LRFN3: variants seen among roughly 807,000 people sequenced by gnomAD.
The protein encoded by LRFN3 is leucine rich repeat and fibronectin type III domain containing 3, also known as leucine-rich repeat and fibronectin type-III domain-containing protein 3.
LRFN3 carries 8 observed loss-of-function variants against 23.8 expected under a neutral mutation model. The observed-to-expected ratio is 0.34, with a 90% CI of 0.20 to 0.61. The LOEUF (loss-of-function observed/expected upper bound fraction) is 0.61. LRFN3 is among the 20% of genes least tolerant of loss of function. The pLI, the probability that LRFN3 is intolerant of heterozygous loss-of-function variation, is 0.80. For synonymous variants in LRFN3, 451 were observed against 450.6 expected (o/e 1.00, Z -0.01); for missense variants, 736 against 935.3 (o/e 0.79, Z 2.78).
At position 35,940,825 on chromosome 19, in the gene LRFN3, A is replaced by T. The variant is rs1291391581; in HGVS notation, c.1400A>T (p.Asp467Val). The T allele has an allele frequency of 4.4e-6, 7 of 1,574,068 alleles. No homozygotes were observed. The highest frequency in any genetic ancestry group is 8.7e-7 in the Non-Finnish European group (1 of 1,154,408). The change falls in exon 2 of 3, where the codon GAC becomes GTC. Residue 467 changes from aspartate (D) to valine (V), a missense_variant. Physicochemically the swap from Asp to Val is radical, Grantham distance 152. Around this residue, in one of 2 missense-constraint regions of LRFN3, gnomAD observed 290 missense variants for 287.4 expected, o/e 1.01. Coordinates refer to ENST00000246529, the MANE Select transcript of LRFN3 (RefSeq NM_024509.2). ...YQIQYNSSADDILVYRMIPAE... is the reference protein window; with the variant it reads ...YQIQYNSSADVILVYRMIPAE... ...ATCCAGTACAACAGCTCGGCTGATG[A>T]CATCCTCGTCTACAGGTGCAGGGTC... is the stretch of plus-strand genomic sequence containing the variant.
chr19:35,938,092 C>T (rs181700825), intron 1 of LRFN3, among the ~76,000 whole-genome samples: 11 of 152,208 alleles, frequency 7.2e-5, no homozygotes, highest in Admixed American at 4.6e-4. Flanking sequence ...GGTCTGTGAC[C>T]GTCCCCATCC....
chr19:35,939,769 A>G lies in LRFN3; in HGVS notation c.344A>G (p.Asp115Gly). The change falls in exon 2 of 3, where the codon GAT (aspartate) becomes GGT (glycine). Residue 115 changes from aspartate (D) to glycine (G), a missense_variant. Physicochemically the swap from Asp to Gly is moderately conservative, Grantham distance 94. Coordinates refer to ENST00000246529, the MANE Select transcript of LRFN3 (RefSeq NM_024509.2). This position sits in a 1 kb window ranked among gnomAD's most constrained non-coding sequence, Gnocchi z 6.4. ...DLRALRALHL[D>G]GNRLTSLGEG... ...CGGGCCCTGCGTGCCCTGCACCTGG[A>G]TGGCAACCGGCTGACCTCACTGGGC... 6.2e-7 allele frequency: 1 copy of G among 1,604,722 alleles called. No individual in the cohort carries two copies. Among genetic ancestry groups the G allele is most frequent in the Non-Finnish European group, 8.5e-7 (1 of 1,179,546 alleles).
rs1475598576 is a variant in LRFN3 at position 35,945,292 on chromosome 19, C to G, written c.*273C>G. 3 of 360,832 alleles carry G rather than the reference C, an allele frequency of 8.3e-6. No individual in the cohort carries two copies. Among genetic ancestry groups the G allele is most frequent in the South Asian group, 1.6e-4 (2 of 12,272 alleles). The allele number at this position is 360,832 out of a possible 1,614,324, so 22.4% of individuals were successfully genotyped here. ...TTTGGGGAGACACCCCCTCCCCGCC[C>G]AGTTCAGTCTGAGGACCCCGGAGGA... On this transcript the variant is annotated 3_prime_UTR_variant, in exon 3 of 3. Transcript: ENST00000246529.
Position 35,939,189 on chromosome 19 carries a change from C to T in LRFN3, c.-16-221C>T, listed in dbSNP as rs1275492835. 6.6e-6 allele frequency among the ~76,000 whole-genome samples: 1 copy of T among 152,186 alleles called. No homozygotes were observed. ...CTTTGTTGCCCAGGCTGGTCTTGAA[C>T]TCCTGGCCTCAAGCCATCCTCCTGC... On this transcript the variant is annotated intron_variant, in intron 1 of 2. Transcript: ENST00000246529. The surrounding 1 kb of genome is among the most constrained non-coding windows in gnomAD (Gnocchi z 6.4).
chr19:35,940,593 C>T lies in LRFN3; in HGVS notation c.1168C>T (p.Gln390Ter). Residue 390 changes from glutamine (Q) to a stop codon, truncating the protein, a stop_gained, in exon 2 of 3, where the codon CAG (glutamine) becomes TAG (stop). Transcript: ENST00000246529. LOFTEE classifies it high-confidence loss of function. Reference sequence around the variant, plus strand: ...GACTGTGGGTCCCCCACCACCTCCTCAGCTAGCCAACAGCACCAGCTGTGA... The same window carrying T: ...GACTGTGGGTCCCCCACCACCTCCTTAGCTAGCCAACAGCACCAGCTGTGA... ...ELTVGPPPPPQLANSTSCDPP... is the reference protein window; with the variant it reads ...ELTVGPPPPP 6.2e-7 allele frequency: 1 copy of T among 1,611,570 alleles called. No homozygotes were observed. The highest frequency in any genetic ancestry group is 8.5e-7 in the Non-Finnish European group (1 of 1,178,634).
Position 35,937,362 on chromosome 19 carries a change from A to G in LRFN3, c.-210A>G, listed in dbSNP as rs755056918. The G allele has an allele frequency of 6.6e-6, 1 of 152,332 alleles. No individual in the cohort carries two copies. The highest frequency in any genetic ancestry group is 1.5e-5 in the Non-Finnish European group (1 of 68,074). 9.4% of individuals were successfully genotyped at this position (152,332 alleles called of 1,614,324 possible). On this transcript the variant is annotated 5_prime_UTR_variant, in exon 1 of 3. Transcript: ENST00000246529. ...CGTAAAACTGGACCCTAGAGGCCCA[A>G]TATTTAGGGGTCTGGAACCCCGAGT... is the stretch of plus-strand genomic sequence containing the variant.
Position 35,939,026 on chromosome 19 carries a change from A to T in LRFN3, c.-16-384A>T, listed in dbSNP as rs1976086460. Among the ~76,000 whole-genome samples the T allele has an allele frequency of 6.6e-6, 1 of 152,018 alleles. No homozygotes were observed. The highest frequency in any genetic ancestry group is 2.1e-4 in the South Asian group (1 of 4,806). ...CAGGCTGGAGTGTGGTGGCGCAATC[A>T]TAGCTCACTGCAGCCTCAAATTCTT... On this transcript the variant is annotated intron_variant, in intron 1 of 2. Coordinates refer to ENST00000246529, the MANE Select transcript of LRFN3 (RefSeq NM_024509.2). The surrounding 1 kb of genome is among the most constrained non-coding windows in gnomAD (Gnocchi z 6.4).
At position 35,936,936 on chromosome 19, in the gene LRFN3, A is replaced by T. The variant is rs1217324638; in HGVS notation, c.-636A>T. On this transcript the variant is annotated 5_prime_UTR_variant, in exon 1 of 3. Coordinates refer to ENST00000246529, the MANE Select transcript of LRFN3 (RefSeq NM_024509.2). ...CCCACAATTTGGAACACAGACCCCA[A>T]TATTTGGAGCAGAACCCCAAGATTT... The T allele has an allele frequency of 6.6e-6, 1 of 152,240 alleles. No homozygotes were observed. Among genetic ancestry groups the T allele is most frequent in the African/African-American group, 2.4e-5 (1 of 41,448 alleles). The allele number at this position is 152,240 out of a possible 1,614,324, so 9.4% of individuals were successfully genotyped here.
At position 35,939,517 on chromosome 19, in the gene LRFN3, G is replaced by A. The variant is rs779133099; in HGVS notation, c.92G>A (p.Arg31His). Residue 31 changes from arginine (R) to histidine (H), a missense_variant, in exon 2 of 3, where the codon CGC (arginine) becomes CAC (histidine). By Grantham distance (29) the Arg-to-His change is conservative. Transcript: ENST00000246529. This position sits in a 1 kb window ranked among gnomAD's most constrained non-coding sequence, Gnocchi z 6.4. ...GCCACACCCAGCCCATGTCCCCGCC[G>A]CTGCCGCTGCCAGACACAGTCGCTG... Reference protein sequence around the residue: ...QSATPSPCPRRCRCQTQSLPL... With the variant: ...QSATPSPCPRHCRCQTQSLPL... 1.5e-5 allele frequency: 24 copies of A among 1,606,964 alleles called. No individual in the cohort carries two copies. The highest frequency in any genetic ancestry group is 2.7e-5 in the African/African-American group (2 of 74,882).
At position 35,936,409 on chromosome 19, in the gene LRFN3, G is replaced by A. The variant is rs1211439032; in HGVS notation, c.-1163G>A. Among the ~76,000 whole-genome samples, 1 of 151,374 alleles carries A rather than the reference G, an allele frequency of 6.6e-6. No individual in the cohort carries two copies. Among genetic ancestry groups the A allele is most frequent in the South Asian group, 2.1e-4 (1 of 4,826 alleles). Reference sequence around the variant, plus strand: ...GCGCGCGCTGCCCTGGGTTGCCGGCGAGGAGGCCGCGGGAGCGCCTGGACC... The same window carrying A: ...GCGCGCGCTGCCCTGGGTTGCCGGCAAGGAGGCCGCGGGAGCGCCTGGACC... On this transcript the variant is annotated 5_prime_UTR_variant, in exon 1 of 3. Coordinates refer to ENST00000246529, the MANE Select transcript of LRFN3 (RefSeq NM_024509.2).
In LRFN3 at chr19:35,944,782, G is replaced by A. The variant is rs759246987; in HGVS notation, c.1650G>A (p.Ser550=). The A allele has an allele frequency of 3.7e-6, 6 of 1,611,224 alleles. No individual in the cohort carries two copies. Among genetic ancestry groups the A allele is most frequent in the African/African-American group, 2.7e-5 (2 of 74,986 alleles). Reference sequence around the variant, plus strand: ...CGCTGGGCGGCGTCATCGTAGCCTCGGTACTGGTCTTCATCTTCGTGCTGC... The same window carrying A: ...CGCTGGGCGGCGTCATCGTAGCCTCAGTACTGGTCTTCATCTTCGTGCTGC... ...IIALGGVIVA[S]VLVFIFVLLM... The change falls in exon 3 of 3, where the codon TCG becomes TCA. Residue 550 remains serine, a synonymous_variant. Coordinates refer to ENST00000246529, the MANE Select transcript of LRFN3 (RefSeq NM_024509.2). The surrounding 1 kb of genome is among the most constrained non-coding windows in gnomAD (Gnocchi z 4.5).
intron 2 of LRFN3, among the ~76,000 whole-genome samples, chr19:35,942,654 G>T (rs1489871335): frequency 6.6e-6 from 1 of 152,162 alleles, no homozygotes; most frequent in Non-Finnish European, 1.5e-5. Flanking sequence ...TTCCATTTCA[G>T]TCCTGGCAAC....
In LRFN3 at chr19:35,937,404, T is replaced by A. The variant is rs1474326711; in HGVS notation, c.-168T>A. ...ACCCCGAGTATTAAGGTCTGGAGAC[T>A]CCGTTGCCACAGATTTGAGCCGAGT... On this transcript the variant is annotated 5_prime_UTR_variant, in exon 1 of 3. Transcript: ENST00000246529. 1 of 152,496 alleles carries A rather than the reference T, an allele frequency of 6.6e-6. No individual in the cohort carries two copies. The highest frequency in any genetic ancestry group is 1.5e-5 in the Non-Finnish European group (1 of 68,084). The allele number at this position is 152,496 out of a possible 1,614,324, so 9.4% of individuals were successfully genotyped here. A position where few individuals can be genotyped will look rare whatever the true frequency, so the allele number is the denominator to read the frequency against.
chr19:35,942,317 C>G (rs1014108158), intron 2 of LRFN3, among the ~76,000 whole-genome samples: 1 of 152,220 alleles, frequency 6.6e-6, no homozygotes, highest in African/African-American at 2.4e-5. Context: ...CTGGGGTTTA[C>G]ACACTCCAAG....
chr19:35,939,892 A>G lies in LRFN3; in HGVS notation c.467A>G (p.Glu156Gly), dbSNP rs1008869004. 2 of 1,601,966 alleles carry G rather than the reference A, an allele frequency of 1.2e-6. No homozygotes were observed. Among genetic ancestry groups the G allele is most frequent in the African/African-American group, 1.3e-5 (1 of 75,006 alleles). ...GCCGGCGCCCTGGATGATTGTGCCG[A>G]GACACTGGAGGACCTCGACCTCTCC... The part of the protein sequence containing the change: ...LAAGALDDCA[E>G]TLEDLDLSYN... The change falls in exon 2 of 3, where the codon GAG becomes GGG. Residue 156 changes from glutamate to glycine, a missense_variant. Physicochemically the swap from Glu to Gly is moderately conservative, Grantham distance 98 (BLOSUM62 -2). This residue lies in a region of LRFN3 where 446 missense variants were observed against 647.9 expected (regional missense o/e 0.69). Coordinates refer to ENST00000246529, the MANE Select transcript of LRFN3 (RefSeq NM_024509.2). This position sits in a 1 kb window ranked among gnomAD's most constrained non-coding sequence, Gnocchi z 6.4.
At chr19:35,937,723 T>A (rs958613243) in intron 1 of LRFN3, among the ~76,000 whole-genome samples, 168 bp downstream of exon 1, 1 of 152,214 alleles carries the variant, frequency 6.6e-6, no homozygotes, top group African/African-American at 2.4e-5. Flanking sequence ...CTCTGGACAC[T>A]GGCCATCCTT....
At position 35,944,370 on chromosome 19, in the gene LRFN3, G is replaced by A. The variant is rs1338582834; in HGVS notation, c.1416-178G>A. ...AGACTGGAGGGGTATCAGTCAGGTG[G>A]CTGAATGGGATGTCAGACCAAAGGG... On this transcript the variant is annotated intron_variant, in intron 2 of 2. Transcript: ENST00000246529. The surrounding 1 kb of genome is among the most constrained non-coding windows in gnomAD (Gnocchi z 4.5). Among the ~76,000 whole-genome samples the A allele has an allele frequency of 2.0e-5, 3 of 152,206 alleles. No individual in the cohort carries two copies. Among genetic ancestry groups the A allele is most frequent in the Non-Finnish European group, 4.4e-5 (3 of 68,032 alleles).
At position 35,944,941 on chromosome 19, in the gene LRFN3, C is replaced by T. The variant is rs1299986112; in HGVS notation, c.1809C>T (p.Pro603=). The T allele has an allele frequency of 2.7e-6, 4 of 1,498,900 alleles. No individual in the cohort carries two copies. The highest frequency in any genetic ancestry group is 1.8e-6 in the Non-Finnish European group (2 of 1,134,646). The allele number at this position is 1,498,900 out of a possible 1,614,324, so 92.9% of individuals were successfully genotyped here. A position where few individuals can be genotyped will look rare whatever the true frequency, so the allele number is the denominator to read the frequency against. ...TPTPAPPAPE[P]AALRAHTVVQ... ...CGCCCGCCCCGCCCGCCCCGGAGCC[C>T]GCGGCGCTCAGGGCCCACACCGTGG... The change falls in exon 3 of 3, where the codon CCC becomes CCT. Residue 603 remains proline (P), a synonymous_variant. Transcript: ENST00000246529. This position sits in a 1 kb window ranked among gnomAD's most constrained non-coding sequence, Gnocchi z 4.5.
intron 1 of LRFN3, among the ~76,000 whole-genome samples, chr19:35,937,819 C>T (rs563429396): frequency 1.8e-4 from 27 of 152,282 alleles, no homozygotes; most frequent in East Asian, 1.2e-3. Flanking sequence ...GCTGTCTATC[C>T]GGTCCGACCG....
Sources: allele counts gnomAD v4.1 joint callset (sites outside exome capture counted in the v4.1 genomes callset), GRCh38; gene constraint gnomAD v4.1.1; regional missense constraint gnomAD v4.1.1; non-coding constraint Gnocchi (gnomAD v3.1); transcripts MANE v1.5; gene names NCBI Gene and HGNC (gene_info 2026-07-23, HGNC 2026-07-21).